Variants in CCDC85A observed in about 807,000 individuals in gnomAD.
CCDC85A encodes coiled-coil domain-containing protein 85A.
CCDC85A carries 38 observed loss-of-function variants against 50.2 expected under a neutral mutation model. The observed-to-expected ratio is 0.76, with a 90% CI of 0.58 to 0.99. The LOEUF (loss-of-function observed/expected upper bound fraction) is 0.99. Ranked by LOEUF, CCDC85A falls within the 50% of genes least tolerant of loss-of-function variation. CCDC85A has a pLI of 0.00. For synonymous variants in CCDC85A, 366 were observed against 301.4 expected, an observed-to-expected ratio of 1.21 and a Z score of -2.22; for missense variants, 820 against 742.0, an observed-to-expected ratio of 1.11 and a Z score of -1.22.
At chr2:56,345,512 A>C (rs116676632) in intron 3 of CCDC85A, among the ~76,000 whole-genome samples, 216 of 152,362 alleles carry the variant, frequency 1.4e-3, no homozygotes, top group African/African-American at 5.1e-3. Context: ...ATTCAAAAAC[A>C]GGATTTCTGT....
chr2:56,287,018 G>GT (rs1671476367), intron 2 of CCDC85A, among the ~76,000 whole-genome samples: 1 of 152,154 alleles, frequency 6.6e-6, no homozygotes, highest in South Asian at 2.1e-4. Context: ...CCTTTCTGTG[G>GT]TTTTAACTGA....
chr2:56,334,608 A>G (rs2104301480), intron 2 of CCDC85A, among the ~76,000 whole-genome samples: 1 of 152,202 alleles, frequency 6.6e-6, no homozygotes, highest in African/African-American at 2.4e-5. Flanking sequence ...CTAACAATAT[A>G]CACAGGTAGA....
At chr2:56,257,058 A>T (rs1051894668) in intron 2 of CCDC85A, among the ~76,000 whole-genome samples, 3 of 151,892 alleles carry the variant, frequency 2.0e-5, no homozygotes, top group African/African-American at 7.3e-5. Flanking sequence ...CAATAAACTC[A>T]CTCTCCATGG....
At chr2:56,221,100 T>G (rs998679812) in intron 2 of CCDC85A, among the ~76,000 whole-genome samples, 1 of 152,012 alleles carries the variant, frequency 6.6e-6, no homozygotes, top group Non-Finnish European at 1.5e-5. Flanking sequence ...CATTTCCTAG[T>G]ATACCAATGG....
rs145354054 is a variant in CCDC85A, at chr2:56,319,870, T to C, written c.1241-23009T>C. On this transcript the variant is annotated intron_variant, in intron 2 of 5. Transcript: ENST00000407595. The stretch of plus-strand genomic sequence containing the variant: ...AGACCACATCACACTTATTCCAAAA[T>C]TGACCACATAGTTGGAAGTAAAGCA... Among the ~76,000 whole-genome samples the C allele has an allele frequency of 1.2e-3, 186 of 152,200 alleles. 1 individual carries two copies. The East Asian group carries it at 0.02, about 16-fold the overall frequency.
intron 3 of CCDC85A, among the ~76,000 whole-genome samples, chr2:56,367,045 A>G (rs1675830293): frequency 1.3e-5 from 2 of 152,276 alleles, no homozygotes; most frequent in South Asian, 4.1e-4. Context: ...AGTTAAGTGC[A>G]GAATCTTTGC....
At chr2:56,366,023 G>C (rs1340947748) in intron 3 of CCDC85A, among the ~76,000 whole-genome samples, 3 of 151,942 alleles carry the variant, frequency 2.0e-5, no homozygotes, top group Non-Finnish European at 2.9e-5. Context: ...ATCTTTCTGT[G>C]CCTGACTTAT....
At chr2:56,185,002 A>T (rs1675943460) in intron 1 of CCDC85A, 102 bp downstream of exon 1, 1 of 1,347,804 alleles carries the variant, frequency 7.4e-7, no homozygotes. Flanking sequence ...TCAACAGGTG[A>T]CCCTCCCCTT....
At chr2:56,370,385 A>C (rs1417165076) in intron 3 of CCDC85A, among the ~76,000 whole-genome samples, 1 of 152,086 alleles carries the variant, frequency 6.6e-6, no homozygotes, top group Admixed American at 6.5e-5. Flanking sequence ...GGCCCAGAAC[A>C]CACTTTTCTA....
intron 2 of CCDC85A, among the ~76,000 whole-genome samples, chr2:56,214,390 A>T (rs1032285484): frequency 3.3e-5 from 5 of 151,876 alleles, no homozygotes; most frequent in African/African-American, 1.2e-4. Flanking sequence ...AGTTATCAGG[A>T]TTTTCCATTG....
At chr2:56,269,774 C>T (rs1444891965) in intron 2 of CCDC85A, among the ~76,000 whole-genome samples, 1 of 152,136 alleles carries the variant, frequency 6.6e-6, no homozygotes, top group Non-Finnish European at 1.5e-5. Context: ...TGAGCATTTG[C>T]AAATATTAGG....
intron 2 of CCDC85A, among the ~76,000 whole-genome samples, chr2:56,285,826 C>T (rs1206414784): frequency 6.6e-6 from 1 of 151,884 alleles, no homozygotes; most frequent in Non-Finnish European, 1.5e-5. Flanking sequence ...CAGTGTTGTT[C>T]TTTGCTTCCT....
chr2:56,195,726 G>A lies in CCDC85A; in HGVS notation c.1240+2286G>A, dbSNP rs189328345. On this transcript the variant is annotated intron_variant, in intron 2 of 5. Transcript: ENST00000407595. ...GTAAATAGATAGGAAGCAGTATCAA[G>A]GTTAATTCAGAATTGCAGATTTGCT... is the stretch of plus-strand genomic sequence containing the variant. Among the ~76,000 whole-genome samples, 32 of 152,276 alleles carry A rather than the reference G, an allele frequency of 2.1e-4. No homozygotes were observed. The Middle Eastern group carries it at 0.014, about 65-fold the overall frequency.
chr2:56,381,684 G>T (rs1011151169), intron 5 of CCDC85A, among the ~76,000 whole-genome samples: 2 of 152,050 alleles, frequency 1.3e-5, no homozygotes, highest in African/African-American at 4.8e-5. Flanking sequence ...TCTTACAGAG[G>T]GGGCCATCTC....
chr2:56,347,640 AT>A (rs78017600), intron 3 of CCDC85A, among the ~76,000 whole-genome samples: 14,699 of 152,204 alleles, frequency 0.097, 912 homozygotes, highest in East Asian at 0.3. Context: ...ATACACACAA[AT>A]TCCCACCCCT....
chr2:56,353,746 C>G (rs1675083573), intron 3 of CCDC85A, among the ~76,000 whole-genome samples: 1 of 152,224 alleles, frequency 6.6e-6, no homozygotes, highest in South Asian at 2.1e-4. Flanking sequence ...GATCACTAAG[C>G]TGTCCTTTAA....
chr2:56,189,140 C>T (rs1472715930), intron 1 of CCDC85A, among the ~76,000 whole-genome samples: 5 of 151,946 alleles, frequency 3.3e-5, no homozygotes, highest in South Asian at 2.1e-4. Context: ...AATGCACAGA[C>T]GTAATCATAG....
At chr2:56,363,859 C>A (rs1675658110) in intron 3 of CCDC85A, among the ~76,000 whole-genome samples, 1 of 152,168 alleles carries the variant, frequency 6.6e-6, no homozygotes, top group Non-Finnish European at 1.5e-5. Flanking sequence ...AGCTCCATGC[C>A]CTTACGCTCC....
intron 2 of CCDC85A, among the ~76,000 whole-genome samples, chr2:56,312,603 T>C (rs1672745981): frequency 6.6e-6 from 1 of 152,168 alleles, no homozygotes; most frequent in African/African-American, 2.4e-5. Flanking sequence ...AGACCATATC[T>C]GTGATACCTA....
Sources: allele counts gnomAD v4.1 joint callset (sites outside exome capture counted in the v4.1 genomes callset), GRCh38; gene constraint gnomAD v4.1.1; transcripts MANE v1.5; gene names NCBI Gene and HGNC (gene_info 2026-07-23, HGNC 2026-07-21).